The following DPP10 variants were observed in gnomAD, a reference collection of about 807,000 sequenced individuals.
The protein encoded by DPP10 is dipeptidyl peptidase like 10, also known as inactive dipeptidyl peptidase 10.
Under a neutral mutation model 120.9 loss-of-function variants are expected in DPP10, and 33 were observed. The ratio of observed to expected loss-of-function variants is 0.27; its 90% CI spans 0.21 to 0.37. DPP10 has a LOEUF of 0.37. Ranked by LOEUF, DPP10 falls within the 10% of genes least tolerant of loss-of-function variation. DPP10 has a pLI of 1.00. For missense variants in DPP10, 816 were observed against 942.8 expected (o/e 0.87, Z 1.76); for synonymous variants, 337 against 326.1 (o/e 1.03, Z -0.36).
chr2:115,665,113 G>T (rs764567644), intron 5 of DPP10, among the ~76,000 whole-genome samples: 7 of 152,066 alleles, frequency 4.6e-5, no homozygotes, highest in South Asian at 2.1e-4. Context: ...AAATACTCTG[G>T]TGACATAGTA....
intron 1 of DPP10, among the ~76,000 whole-genome samples, chr2:115,307,852 A>T (rs1011547487): frequency 1.3e-5 from 2 of 152,108 alleles, no homozygotes; most frequent in African/African-American, 4.8e-5. Flanking sequence ...CACTGTATTG[A>T]TTTACGTGGA....
chr2:114,803,063 G>T (rs112283949), intron 1 of DPP10, among the ~76,000 whole-genome samples: 1 of 152,084 alleles, frequency 6.6e-6, no homozygotes, highest in Non-Finnish European at 1.5e-5. Context: ...AGGGACTCAC[G>T]GGGAGGTACT....
At chr2:115,511,071 A>G (rs923331659) in intron 4 of DPP10, among the ~76,000 whole-genome samples, 4 of 151,990 alleles carry the variant, frequency 2.6e-5, no homozygotes, top group Admixed American at 6.6e-5. Context: ...TTTTCCAACT[A>G]TGTCTTTGTC....
At chr2:115,413,865 A>G (rs2069147887) in intron 3 of DPP10, among the ~76,000 whole-genome samples, 2 of 152,134 alleles carry the variant, frequency 1.3e-5, no homozygotes, top group Non-Finnish European at 2.9e-5. Flanking sequence ...TGTGTTTGTA[A>G]CCATTTGACT....
chr2:114,737,468 C>T (rs1677563778), intron 1 of DPP10, among the ~76,000 whole-genome samples: 2 of 152,208 alleles, frequency 1.3e-5, no homozygotes, highest in African/African-American at 2.4e-5. Flanking sequence ...AAACATCCCT[C>T]CAGCCTTTCC....
At chr2:115,341,521 A>G (rs2063446725) in intron 2 of DPP10, among the ~76,000 whole-genome samples, 1 of 152,156 alleles carries the variant, frequency 6.6e-6, no homozygotes, top group Non-Finnish European at 1.5e-5. Context: ...ATGGGTTTGG[A>G]CAAGTAAATA....
intron 1 of DPP10, among the ~76,000 whole-genome samples, chr2:114,591,624 G>A (rs776622264): frequency 2.8e-5 from 4 of 144,384 alleles, no homozygotes; most frequent in Non-Finnish European, 6.0e-5. Flanking sequence ...GTGCAATCTT[G>A]GCTCACTGCA....
chr2:114,645,480 G>T (rs1258374466), intron 1 of DPP10, among the ~76,000 whole-genome samples: 1 of 152,142 alleles, frequency 6.6e-6, no homozygotes, highest in Non-Finnish European at 1.5e-5. Context: ...AGCATAACCT[G>T]CTTCTCTTAT....
At position 114,875,937 on chromosome 2, in the gene DPP10, A is replaced by T. The variant is rs574850279; in HGVS notation, c.60+433099A>T. On this transcript the variant is annotated intron_variant, in intron 1 of 25. Transcript: ENST00000410059. ...TAGTGGAATGTGACACTTTAGAATG[A>T]GTTTTCAGACATTCCAATATATTTC... Among the ~76,000 whole-genome samples, 3 of 152,264 alleles carry T rather than the reference A, an allele frequency of 2.0e-5. No individual in the cohort carries two copies. The South Asian group carries it at 6.2e-4, about 32-fold the overall frequency.
intron 12 of DPP10, among the ~76,000 whole-genome samples, chr2:115,767,966 T>A (rs559864303): frequency 6.6e-6 from 1 of 152,234 alleles, no homozygotes; most frequent in Admixed American, 6.6e-5. Flanking sequence ...GAAGGATATT[T>A]CACTAAACAC....
rs66478532 is a variant in DPP10 at position 115,812,963 on chromosome 2, C to CT, written c.1701-1801dup. 6.5e-4 allele frequency among the ~76,000 whole-genome samples: 47 copies of CT among 72,832 alleles called. 2 individuals carry two copies. The highest frequency in any genetic ancestry group is 4.3e-3 in the South Asian group (6 of 1,406). 47.8% of individuals were successfully genotyped at this position (72,832 alleles called of 152,430 possible). ...TAACTAAATATCTCTGACTGGATAT[C>CT]TTTTTTTTTTTTTTTTTTTTTTTTT... On this transcript the variant is annotated intron_variant, in intron 19 of 25. Transcript: ENST00000410059.
chr2:115,317,816 G>A (rs2061868437), intron 2 of DPP10, among the ~76,000 whole-genome samples: 1 of 151,910 alleles, frequency 6.6e-6, no homozygotes, highest in Admixed American at 6.6e-5. Flanking sequence ...TAAGGGACTT[G>A]CTGGTTTTAC....
At chr2:115,789,083 A>C (rs865818537) in intron 17 of DPP10, among the ~76,000 whole-genome samples, 6 of 152,042 alleles carry the variant, frequency 3.9e-5, no homozygotes, top group South Asian at 2.1e-4. Flanking sequence ...ACACCACTGC[A>C]CTCGAGCCTG....
chr2:115,681,269 A>G (rs768200136), intron 5 of DPP10, among the ~76,000 whole-genome samples: 17 of 151,902 alleles, frequency 1.1e-4, no homozygotes, highest in Admixed American at 6.6e-5. Context: ...TTTATGGTAT[A>G]TGGAAAATAT....
chr2:115,014,376 C>G (rs1033753413), intron 1 of DPP10, among the ~76,000 whole-genome samples: 1 of 152,022 alleles, frequency 6.6e-6, no homozygotes, highest in Non-Finnish European at 1.5e-5. Flanking sequence ...GCTCTAAATA[C>G]CCACAGGAGA....
intron 1 of DPP10, among the ~76,000 whole-genome samples, chr2:115,065,372 T>G (rs750929746): frequency 6.6e-6 from 1 of 152,194 alleles, no homozygotes; most frequent in Admixed American, 6.5e-5. Flanking sequence ...GTTCCAGTAA[T>G]CATCCAGATG....
intron 1 of DPP10, among the ~76,000 whole-genome samples, chr2:115,021,633 A>G (rs554385540): frequency 3.2e-4 from 49 of 152,154 alleles, no homozygotes; most frequent in Non-Finnish European, 4.0e-4. Flanking sequence ...AAGATAGAGA[A>G]AGAGGGAATC....
At chr2:115,793,859 C>CT (rs139247315) in intron 19 of DPP10, among the ~76,000 whole-genome samples, 3,096 of 151,012 alleles carry the variant, frequency 0.021, 98 homozygotes, top group African/African-American at 0.069. Context: ...AGGAGAATTT[C>CT]TTTTTTTTTA....
chr2:115,246,244 C>T (rs1356985635), intron 1 of DPP10, among the ~76,000 whole-genome samples: 13 of 152,058 alleles, frequency 8.5e-5, no homozygotes, highest in Non-Finnish European at 1.9e-4. Flanking sequence ...ACCTTCACTA[C>T]GTTACAGGAC....
Sources: allele counts gnomAD v4.1 joint callset (sites outside exome capture counted in the v4.1 genomes callset), GRCh38; gene constraint gnomAD v4.1.1; transcripts MANE v1.5; gene names NCBI Gene and HGNC (gene_info 2026-07-23, HGNC 2026-07-21).